The following PCDHA6 variants were observed in gnomAD, a reference collection of about 807,000 sequenced individuals.
PCDHA6 encodes protocadherin alpha 6, also known as protocadherin alpha-6.
PCDHA6 carries 55 observed loss-of-function variants against 60.3 expected under a neutral mutation model. The ratio of observed to expected loss-of-function variants is 0.91; its 90% CI spans 0.73 to 1.14. The LOEUF is 1.14. Ranked by LOEUF, PCDHA6 falls within the 50% of genes most tolerant of loss-of-function variation. The pLI is 0.00. For missense variants in PCDHA6, 1,327 were observed against 1,256.5 expected (o/e 1.06, Z -0.85); for synonymous variants, 652 against 557.9 (o/e 1.17, Z -2.38).
At chr5:140,985,562 C>G (rs1477250763) in intron 3 of PCDHA6, among the ~76,000 whole-genome samples, 1 of 152,116 alleles carries the variant, frequency 6.6e-6, no homozygotes, top group Non-Finnish European at 1.5e-5. Flanking sequence ...CAAAAGGCTT[C>G]TTTCTGGTGC....
At chr5:140,836,239 G>A in intron 1 of PCDHA6, 1 of 1,613,796 alleles carries the variant, frequency 6.2e-7, no homozygotes, top group Non-Finnish European at 8.5e-7. Context: ...GCCGGTGCGA[G>A]CATCCCGTTC....
chr5:140,835,837 A>C, intron 1 of PCDHA6: 1 of 1,612,374 alleles, frequency 6.2e-7, no homozygotes, highest in Non-Finnish European at 8.5e-7. Context: ...GCGGACGCGC[A>C]GAAGAACGCG....
intron 1 of PCDHA6, among the ~76,000 whole-genome samples, chr5:140,961,947 G>A (rs1183967245): frequency 6.6e-6 from 1 of 150,956 alleles, no homozygotes; most frequent in Non-Finnish European, 1.5e-5. Flanking sequence ...GCAGTGGCAT[G>A]ATCTCGGCTC....
chr5:140,863,239 T>C (rs1554158001), intron 1 of PCDHA6: 26 of 1,323,164 alleles, frequency 2.0e-5, no homozygotes, highest in African/African-American at 2.9e-5. Context: ...ATCGCGGGCT[T>C]TGGCGGGCGT....
Position 140,827,971 on chromosome 5 carries a change from A to G in PCDHA6, c.-121A>G. 7 of 1,390,040 alleles carry G rather than the reference A, an allele frequency of 5.0e-6. No individual in the cohort carries two copies. The highest frequency in any genetic ancestry group is 1.9e-4 in the Middle Eastern group (1 of 5,136). The allele number at this position is 1,390,040 out of a possible 1,614,324, so 86.1% of individuals were successfully genotyped here. ...TTCAAATTTCTTCTATTACTGCATC[A>G]TTCCCTGACTGTTGAATGATGGCGG... On this transcript the variant is annotated 5_prime_UTR_variant, in exon 1 of 4. Coordinates refer to ENST00000529310, the MANE Select transcript of PCDHA6 (RefSeq NM_018909.4).
rs2045073152 is a variant in PCDHA6 at position 140,857,980 on chromosome 5, G to T, written c.2394+27495G>T. ...TGGATGAGACTGACTCGCCACGCCA[G>T]CGCCTACTGGTGCTGGTGAAGGACC... On this transcript the variant is annotated intron_variant, in intron 1 of 3. Coordinates refer to ENST00000529310, the MANE Select transcript of PCDHA6 (RefSeq NM_018909.4). The T allele has an allele frequency of 1.3e-6, 2 of 1,597,100 alleles. 1 individual carries two copies. Among genetic ancestry groups the T allele is most frequent in the Non-Finnish European group, 1.7e-6 (2 of 1,167,294 alleles).
chr5:140,918,549 T>C (rs1313720970), intron 1 of PCDHA6, among the ~76,000 whole-genome samples: 3 of 152,222 alleles, frequency 2.0e-5, no homozygotes, highest in Non-Finnish European at 2.9e-5. Flanking sequence ...CCATGTGCAA[T>C]TGAGAAGAAT....
chr5:140,910,519 G>A (rs187918127), intron 1 of PCDHA6, among the ~76,000 whole-genome samples: 18 of 152,218 alleles, frequency 1.2e-4, no homozygotes, highest in Non-Finnish European at 2.5e-4. Context: ...AAGGATGCAG[G>A]TACTCCCCTC....
intron 1 of PCDHA6, chr5:140,871,124 C>T (rs782035990): frequency 1.9e-6 from 3 of 1,613,326 alleles, no homozygotes; most frequent in Non-Finnish European, 8.5e-7. Context: ...AGCGGACAGG[C>T]GCCAAAGGCC....
At chr5:140,871,077 G>GACGGCC (rs782552854) in intron 1 of PCDHA6, 6 of 1,613,222 alleles carry the variant, frequency 3.7e-6, no homozygotes, top group Non-Finnish European at 5.1e-6. Context: ...AGCCGGCGCT[G>GACGGCC]ACGGCCACGG....
intron 1 of PCDHA6, among the ~76,000 whole-genome samples, chr5:140,913,413 G>A (rs976186231): frequency 3.3e-5 from 5 of 152,050 alleles, no homozygotes; most frequent in Non-Finnish European, 5.9e-5. Flanking sequence ...TTGAATTCCT[G>A]CAGTATCAGT....
chr5:141,008,670 A>G (rs1375302412), intron 3 of PCDHA6, among the ~76,000 whole-genome samples: 1 of 152,218 alleles, frequency 6.6e-6, no homozygotes, highest in Non-Finnish European at 1.5e-5. Flanking sequence ...TACTTTACAT[A>G]TACTTTAGTT....
chr5:140,948,528 T>C (rs1234543318), intron 1 of PCDHA6, among the ~76,000 whole-genome samples: 1 of 151,686 alleles, frequency 6.6e-6, no homozygotes, highest in Non-Finnish European at 1.5e-5. Context: ...ACTATTTATA[T>C]TTTATTTCAT....
rs2098423512 is a variant in PCDHA6 at position 141,012,298 on chromosome 5, T to A, written c.*2361T>A. On this transcript the variant is annotated 3_prime_UTR_variant, in exon 4 of 4. Transcript: ENST00000529310. ...ATGTGGATTCATTTTGAATTGGTGC[T>A]ATTGGTATTTCCTCTGTTATTGCTA... is the stretch of plus-strand genomic sequence containing the variant. The A allele has an allele frequency of 6.5e-6, 1 of 153,804 alleles. No individual in the cohort carries two copies. Among genetic ancestry groups the A allele is most frequent in the Non-Finnish European group, 1.5e-5 (1 of 68,048 alleles). 9.5% of individuals were successfully genotyped at this position (153,804 alleles called of 1,614,324 possible). A position where few individuals can be genotyped will look rare whatever the true frequency, so the allele number is the denominator to read the frequency against.
chr5:140,857,695 G>T (rs2044799008), intron 1 of PCDHA6: 1 of 1,597,116 alleles, frequency 6.3e-7, no homozygotes, highest in South Asian at 1.1e-5. Context: ...GCAACTTGAC[G>T]CTGCAGGTGT....
chr5:140,997,958 G>A (rs890356748), intron 3 of PCDHA6, among the ~76,000 whole-genome samples: 3 of 152,126 alleles, frequency 2.0e-5, no homozygotes, highest in Non-Finnish European at 2.9e-5. Context: ...TGGCATTCAC[G>A]TACCTGTGGT....
At chr5:140,835,990 G>A in intron 1 of PCDHA6, 3 of 1,613,318 alleles carry the variant, frequency 1.9e-6, no homozygotes, top group Non-Finnish European at 2.5e-6. Context: ...TTCCAGGTGA[G>A]CGCGCGCGAT....
chr5:140,958,015 C>A (rs573406509), intron 1 of PCDHA6, among the ~76,000 whole-genome samples: 1 of 151,796 alleles, frequency 6.6e-6, no homozygotes, highest in Non-Finnish European at 1.5e-5. Context: ...TTCTATCAGC[C>A]AAGTATACTA....
intron 1 of PCDHA6, chr5:140,928,265 A>T (rs1208273188): frequency 4.3e-6 from 7 of 1,614,188 alleles, no homozygotes; most frequent in Non-Finnish European, 4.2e-6. Flanking sequence ...GCTGAAAACA[A>T]TGGCCCTGGG....
Sources: gnomAD v4.1 joint callset for allele counts (sites outside exome capture counted in the v4.1 genomes callset) on GRCh38, gnomAD v4.1.1 for gene constraint, MANE v1.5 for transcripts, NCBI Gene and HGNC (gene_info 2026-07-23, HGNC 2026-07-21) for gene names.